SGCZ: variants seen among roughly 807,000 people sequenced by gnomAD.
SGCZ encodes zeta-sarcoglycan.
SGCZ carries 40 observed loss-of-function variants against 41.3 expected under a neutral mutation model. The ratio of observed to expected loss-of-function variants is 0.97; its 90% CI spans 0.75 to 1.26. The LOEUF (loss-of-function observed/expected upper bound fraction) is 1.26. SGCZ is among the 50% of genes most tolerant of loss of function. SGCZ has a pLI of 0.00. For missense variants in SGCZ, 552 were observed against 369.8 expected (o/e 1.49, Z -4.04); for synonymous variants, 206 against 137.5 (o/e 1.50, Z -3.49).
intron 1 of SGCZ, among the ~76,000 whole-genome samples, chr8:14,645,478 T>TATATATATATATATATA (rs1807178145): frequency 1.9e-5 from 2 of 106,616 alleles, no homozygotes; most frequent in South Asian, 3.0e-4. Context: ...ATATATATAT[T>TATATATATATATATATA]TATATGTATA....
Position 14,389,767 on chromosome 8 carries a change from T to C in SGCZ, c.235-65563A>G, listed in dbSNP as rs145701116. ...AAACATCTGGCTAAAACTGAGCAAG[T>C]ATTTTTCAATTTAAAAAAAATAACT... On this transcript the variant is annotated intron_variant, in intron 2 of 7. Coordinates refer to ENST00000382080, the MANE Select transcript of SGCZ (RefSeq NM_139167.4). 1.7e-4 allele frequency among the ~76,000 whole-genome samples: 26 copies of C among 152,116 alleles called. No homozygotes were observed. The East Asian group carries it at 4.2e-3, about 25-fold the overall frequency.
chr8:14,707,434 A>C (rs1028045415), intron 1 of SGCZ, among the ~76,000 whole-genome samples: 2 of 152,156 alleles, frequency 1.3e-5, no homozygotes, highest in Non-Finnish European at 2.9e-5. Context: ...CAAAACAAGG[A>C]GAAAGAATAG....
At chr8:14,595,137 T>G (rs2117295985) in intron 1 of SGCZ, among the ~76,000 whole-genome samples, 1 of 152,318 alleles carries the variant, frequency 6.6e-6, no homozygotes, top group South Asian at 2.1e-4. Context: ...CAAATGAAAC[T>G]GGAATTAGTT....
chr8:14,208,973 C>T (rs1445239691), intron 4 of SGCZ, among the ~76,000 whole-genome samples: 1 of 152,132 alleles, frequency 6.6e-6, no homozygotes, highest in African/African-American at 2.4e-5. Context: ...CAGACATGGA[C>T]AAACAAGCTG....
chr8:14,584,155 C>G (rs1804984495), intron 1 of SGCZ, among the ~76,000 whole-genome samples: 3 of 151,854 alleles, frequency 2.0e-5, no homozygotes, highest in African/African-American at 7.3e-5. Flanking sequence ...ATTTAAATAG[C>G]AAAAGGGGGA....
chr8:15,045,750 T>C (rs908760339), intron 1 of SGCZ, among the ~76,000 whole-genome samples: 2 of 152,088 alleles, frequency 1.3e-5, no homozygotes, highest in Admixed American at 1.3e-4. Context: ...ATCAGCCAAA[T>C]TGATTGCAAG....
intron 1 of SGCZ, among the ~76,000 whole-genome samples, chr8:14,684,332 A>G (rs1009808328): frequency 1.3e-5 from 2 of 152,178 alleles, no homozygotes; most frequent in Non-Finnish European, 2.9e-5. Context: ...GGAAAGTGGA[A>G]CCAAATCATG....
intron 1 of SGCZ, among the ~76,000 whole-genome samples, chr8:14,676,810 T>C (rs1350414925): frequency 6.6e-6 from 1 of 152,056 alleles, no homozygotes; most frequent in Non-Finnish European, 1.5e-5. Context: ...AAATAAAGCG[T>C]ATTTTCTAAG....
At chr8:14,298,418 C>T (rs946908212) in intron 3 of SGCZ, among the ~76,000 whole-genome samples, 3 of 151,716 alleles carry the variant, frequency 2.0e-5, no homozygotes, top group Admixed American at 6.6e-5. Flanking sequence ...CATTTGTAGA[C>T]AAGATAATTT....
At chr8:15,223,279 A>C (rs943289126) in intron 1 of SGCZ, among the ~76,000 whole-genome samples, 2 of 152,174 alleles carry the variant, frequency 1.3e-5, no homozygotes, top group African/African-American at 4.8e-5. Flanking sequence ...AATCAACTAC[A>C]TGATAGAAAG....
chr8:14,113,720 C>A (rs1802441736), intron 5 of SGCZ, among the ~76,000 whole-genome samples: 1 of 151,936 alleles, frequency 6.6e-6, no homozygotes, highest in Non-Finnish European at 1.5e-5. Flanking sequence ...ATACTGGTGC[C>A]AAATGATGTT....
intron 3 of SGCZ, among the ~76,000 whole-genome samples, chr8:14,242,765 T>G (rs1441342622): frequency 6.6e-6 from 1 of 152,180 alleles, no homozygotes; most frequent in East Asian, 1.9e-4. Context: ...ACAAGCCATG[T>G]TGGAACTCCA....
chr8:14,833,880 T>C (rs1325494256), intron 1 of SGCZ, among the ~76,000 whole-genome samples: 1 of 152,136 alleles, frequency 6.6e-6, no homozygotes, highest in Non-Finnish European at 1.5e-5. Context: ...TCTCTAAGAA[T>C]ATTTATGAAA....
In SGCZ at chr8:14,610,423, A is replaced by T. The variant is rs528894073; in HGVS notation, c.40-55497T>A. ...ATTCTTCTTCTTTAAGCTTCCACAT[A>T]TAACTTACATTTCCTCAATTGCCTC... On this transcript the variant is annotated intron_variant, in intron 1 of 7. Coordinates refer to ENST00000382080, the MANE Select transcript of SGCZ (RefSeq NM_139167.4). 2.4e-4 allele frequency among the ~76,000 whole-genome samples: 36 copies of T among 152,310 alleles called. No homozygotes were observed. The South Asian group carries it at 7.5e-3, about 32-fold the overall frequency.
intron 1 of SGCZ, among the ~76,000 whole-genome samples, chr8:14,630,195 G>A (rs1806598977): frequency 6.6e-6 from 1 of 151,690 alleles, no homozygotes; most frequent in Non-Finnish European, 1.5e-5. Context: ...TCCTCATGTG[G>A]GCATACAAAT....
At chr8:14,327,672 C>G (rs1225832820) in intron 2 of SGCZ, among the ~76,000 whole-genome samples, 1 of 152,180 alleles carries the variant, frequency 6.6e-6, no homozygotes, top group Non-Finnish European at 1.5e-5. Context: ...CAGTCTTGAG[C>G]TTCGTGTGTT....
intron 2 of SGCZ, among the ~76,000 whole-genome samples, chr8:14,406,994 G>A (rs1799228721): frequency 6.6e-6 from 1 of 150,590 alleles, no homozygotes; most frequent in Admixed American, 6.6e-5. Flanking sequence ...ACTAAGCCTT[G>A]ATTTTGGAGC....
intron 2 of SGCZ, among the ~76,000 whole-genome samples, chr8:14,427,030 A>AAATG (rs3068589): frequency 0.07 from 10,095 of 145,142 alleles, 567 homozygotes; most frequent in African/African-American, 0.15. Context: ...CAGTAACATT[A>AAATG]AATGAATGAA....
At chr8:14,344,586 G>T (rs912132549) in intron 2 of SGCZ, among the ~76,000 whole-genome samples, 8 of 151,986 alleles carry the variant, frequency 5.3e-5, no homozygotes, top group African/African-American at 1.9e-4. Flanking sequence ...CAATGCAAAA[G>T]AGAAAGGGAA....
Sources: gnomAD v4.1 joint callset for allele counts (sites outside exome capture counted in the v4.1 genomes callset) on GRCh38, gnomAD v4.1.1 for gene constraint, MANE v1.5 for transcripts, NCBI Gene and HGNC (gene_info 2026-07-23, HGNC 2026-07-21) for gene names.